TM9SF3: variants seen among roughly 807,000 people sequenced by gnomAD.
TM9SF3 encodes the protein SM-11044-binding protein.
A neutral mutation model predicts 78.6 loss-of-function variants in TM9SF3; 14 were observed. That is an observed-to-expected ratio of 0.18 (90% confidence interval 0.12 to 0.28). TM9SF3 has a LOEUF of 0.28. Among genes scored for constraint, TM9SF3 ranks in the 10% least tolerant of loss-of-function variants. TM9SF3 has a pLI of 1.00. For synonymous variants in TM9SF3, 231 were observed against 241.7 expected (o/e 0.96, Z 0.41); for missense variants, 496 against 721.9 (o/e 0.69, Z 3.59).
chr10:96,582,368 T>C (rs1279908052), intron 1 of TM9SF3, among the ~76,000 whole-genome samples: 2 of 152,156 alleles, frequency 1.3e-5, no homozygotes, highest in African/African-American at 2.4e-5. Flanking sequence ...ATTAGGAAAA[T>C]GAAGAGTTTT....
At chr10:96,549,203 T>C (rs138497132) in intron 7 of TM9SF3, among the ~76,000 whole-genome samples, 16 of 152,290 alleles carry the variant, frequency 1.1e-4, no homozygotes, top group African/African-American at 3.8e-4. Flanking sequence ...CAAAATACTT[T>C]TCCTCTGATT....
intron 1 of TM9SF3, among the ~76,000 whole-genome samples, 193 bp from the exon 2 acceptor site, chr10:96,577,022 T>G (rs968721208): frequency 6.6e-6 from 1 of 152,156 alleles, no homozygotes; most frequent in Admixed American, 6.5e-5. Context: ...TAAAATTATA[T>G]CCTCTGATTG....
At chr10:96,586,530 G>A (rs907761382) in intron 1 of TM9SF3, among the ~76,000 whole-genome samples, 54 of 152,084 alleles carry the variant, frequency 3.6e-4, no homozygotes, top group Non-Finnish European at 6.8e-4. Flanking sequence ...CTGTCACTCG[G>A]GAGCGGAGCC....
intron 1 of TM9SF3, 39 bp downstream of exon 1, chr10:96,586,695 A>G: frequency 8.2e-7 from 1 of 1,215,192 alleles, no homozygotes; most frequent in Non-Finnish European, 1.0e-6. Flanking sequence ...GCAACTGGGG[A>G]GCTAGCCCGG....
At chr10:96,554,771 T>A (rs1244505181) in intron 5 of TM9SF3, among the ~76,000 whole-genome samples, 2 of 152,188 alleles carry the variant, frequency 1.3e-5, no homozygotes, top group Non-Finnish European at 2.9e-5. Context: ...AATTGCAGAC[T>A]CAGACTGCCC....
chr10:96,554,046 C>T (rs1848205958), intron 5 of TM9SF3, among the ~76,000 whole-genome samples: 2 of 152,082 alleles, frequency 1.3e-5, no homozygotes, highest in South Asian at 2.1e-4. Context: ...TGTTTTTTCT[C>T]CTCTCATTTT....
At chr10:96,523,589 G>A (rs998244991) in intron 14 of TM9SF3, among the ~76,000 whole-genome samples, 1 of 151,872 alleles carries the variant, frequency 6.6e-6, no homozygotes, top group Non-Finnish European at 1.5e-5. Context: ...AATAGAACCA[G>A]AAATTATGTG....
chr10:96,527,011 T>C (rs1847845527), intron 14 of TM9SF3, among the ~76,000 whole-genome samples: 1 of 152,244 alleles, frequency 6.6e-6, no homozygotes, highest in Non-Finnish European at 1.5e-5. Context: ...ACAGAATTAC[T>C]AGAATTTCTA....
chr10:96,536,040 G>C (rs535250773), intron 9 of TM9SF3, among the ~76,000 whole-genome samples: 92 of 149,692 alleles, frequency 6.1e-4, no homozygotes, highest in Middle Eastern at 3.4e-3. Flanking sequence ...CATATTTTCA[G>C]AATTAAAAAA....
At chr10:96,527,553 A>G in intron 12 of TM9SF3, 57 bp from the exon 13 acceptor site, 1 of 1,346,930 alleles carries the variant, frequency 7.4e-7, no homozygotes. Flanking sequence ...GCACTAAAAC[A>G]AAGATTTTAA....
At chr10:96,563,154 C>A (rs79348787) in intron 3 of TM9SF3, among the ~76,000 whole-genome samples, 25,122 of 152,062 alleles carry the variant, frequency 0.17, 2,305 homozygotes, top group East Asian at 0.37. Flanking sequence ...TAGCTCACTG[C>A]AGTCTCAAAC....
rs189750847 is a variant in TM9SF3, at chr10:96,551,429, T to C, written c.793-18A>G. ...TCTCTATCCTATATACAAATATATATATAGAGAGAGAAAAGCAAATCATTC... is the reference window on the plus strand; with the variant it reads ...TCTCTATCCTATATACAAATATATACATAGAGAGAGAAAAGCAAATCATTC... On this transcript the variant is annotated intron_variant, in intron 6 of 14. Transcript: ENST00000371142. 5,377 of 1,492,780 alleles carry C rather than the reference T, an allele frequency of 3.6e-3. 15 individuals carry two copies. Among genetic ancestry groups the C allele is most frequent in the Non-Finnish European group, 4.5e-3 (5,075 of 1,119,078 alleles). 92.5% of individuals were successfully genotyped at this position (1,492,780 alleles called of 1,614,324 possible). A position where few individuals can be genotyped will look rare whatever the true frequency, so the allele number is the denominator to read the frequency against.
chr10:96,564,007 C>T (rs900789592), intron 3 of TM9SF3, among the ~76,000 whole-genome samples: 1 of 151,848 alleles, frequency 6.6e-6, no homozygotes, highest in African/African-American at 2.4e-5. Context: ...AAACCTAAAG[C>T]ATGATGGCTT....
chr10:96,550,676 C>A (rs917893106), intron 7 of TM9SF3, among the ~76,000 whole-genome samples: 1 of 152,134 alleles, frequency 6.6e-6, no homozygotes, highest in African/African-American at 2.4e-5. Flanking sequence ...GAATTTCTTA[C>A]AAATGGTTTT....
chr10:96,531,703 C>T (rs1847897732), intron 10 of TM9SF3, among the ~76,000 whole-genome samples: 1 of 152,082 alleles, frequency 6.6e-6, no homozygotes, highest in Non-Finnish European at 1.5e-5. Context: ...CAGGATTATA[C>T]TCCCCAAAAC....
intron 9 of TM9SF3, among the ~76,000 whole-genome samples, chr10:96,540,126 T>C (rs934335472): frequency 6.6e-6 from 1 of 152,174 alleles, no homozygotes; most frequent in African/African-American, 2.4e-5. Flanking sequence ...ATATTACTAG[T>C]TCATTATTTT....
At chr10:96,575,458 C>T (rs1355091150) in intron 2 of TM9SF3, among the ~76,000 whole-genome samples, 2 of 108,502 alleles carry the variant, frequency 1.8e-5, no homozygotes, top group South Asian at 2.9e-4. Flanking sequence ...AGACTATAAA[C>T]GGGGGGATGG....
At chr10:96,544,801 A>C (rs1251535431) in intron 8 of TM9SF3, among the ~76,000 whole-genome samples, 1 of 152,036 alleles carries the variant, frequency 6.6e-6, no homozygotes, top group Non-Finnish European at 1.5e-5. Context: ...CCCACTTGTG[A>C]TTTTTCAGCA....
In TM9SF3 at chr10:96,522,316, T is replaced by C. The variant is rs1847786523; in HGVS notation, c.1717A>G (p.Met573Val). The C allele has an allele frequency of 6.3e-7, 1 of 1,582,568 alleles. No homozygotes were observed. The highest frequency in any genetic ancestry group is 8.6e-7 in the Non-Finnish European group (1 of 1,169,242). ...TTTCGGACAAAGGCACTTGTTCCCA[T>C]GTAACCAATCGCTCCTGCAAAGATA... ...LGIMCGAIGY[M>V]GTSAFVRKIY... The change falls in exon 15 of 15, where the codon ATG (methionine) becomes GTG (valine). Residue 573 changes from methionine (M) to valine (V), a missense_variant. Transcript: ENST00000371142.
Sources: allele counts gnomAD v4.1 joint callset (sites outside exome capture counted in the v4.1 genomes callset), GRCh38; gene constraint gnomAD v4.1.1; transcripts MANE v1.5; gene names NCBI Gene and HGNC (gene_info 2026-07-23, HGNC 2026-07-21).